GRIP2: variants seen among roughly 807,000 people sequenced by gnomAD.
GRIP2 encodes glutamate receptor-interacting protein 2.
A neutral mutation model predicts 108.3 loss-of-function variants in GRIP2; 58 were observed. The ratio of observed to expected loss-of-function variants is 0.54; its 90% CI spans 0.43 to 0.67. The LOEUF (loss-of-function observed/expected upper bound fraction) is 0.67, where lower values mean the gene tolerates loss of function less well. Ranked by LOEUF, GRIP2 falls within the 30% of genes least tolerant of loss-of-function variation. The pLI is 0.00. For synonymous variants in GRIP2, 586 were observed against 598.2 expected (o/e 0.98, Z 0.30); for missense variants, 1,278 against 1,430.6 (o/e 0.89, Z 1.72).
At chr3:14,540,426 G>A, upstream of GRIP2, 9 of 1,597,644 alleles carry the variant, frequency 5.6e-6, no homozygotes, top group Non-Finnish European at 7.7e-6. The surrounding 1 kb of genome is among the most constrained non-coding windows in gnomAD (Gnocchi z 4.1). Context: ...CACTGGCTGG[G>A]CACCGAGTCC....
chr3:14,520,683 T>C, intron 7 of GRIP2, 146 bp from the exon 8 acceptor site: 6 of 770,660 alleles, frequency 7.8e-6, no homozygotes, highest in Non-Finnish European at 1.2e-5. Context: ...TCCTTTTCTT[T>C]CTTTTTTTAT....
chr3:14,596,922 T>C, the GRIP2 span, among the ~76,000 whole-genome samples: 1 of 152,174 alleles, frequency 6.6e-6, no homozygotes, highest in African/African-American at 2.4e-5. Context: ...TTAAATTTTT[T>C]TGTAGAAACA....
At chr3:14,515,440 C>T (rs1425724926) in intron 11 of GRIP2, among the ~76,000 whole-genome samples, 1 of 152,040 alleles carries the variant, frequency 6.6e-6, no homozygotes, top group East Asian at 1.9e-4. Flanking sequence ...TATTGTTTTA[C>T]ATTCCATATA....
upstream of GRIP2, chr3:14,541,956 C>T (rs572902819): frequency 1.0e-5 from 14 of 1,349,914 alleles, no homozygotes; most frequent in East Asian, 4.7e-5. Flanking sequence ...ACAGAGGCCA[C>T]TCTGGAGCAG....
the GRIP2 span, chr3:14,574,730 C>G: frequency 0.018 from 8,956 of 510,596 alleles, 644 homozygotes; most frequent in African/African-American, 0.15. Flanking sequence ...CATCCCTAAT[C>G]GAGCAGCCTT....
In GRIP2 at chr3:14,556,032, C is replaced by A. The variant is rs570434696; in HGVS notation, c.-78G>T. The A allele has an allele frequency of 2.8e-5, 11 of 398,582 alleles. No homozygotes were observed. The Admixed American group carries it at 4.8e-4, about 18-fold the overall frequency. The allele number at this position is 398,582 out of a possible 1,614,324, so 24.7% of individuals were successfully genotyped here. On this transcript the variant is annotated 5_prime_UTR_variant, in exon 1 of 24. Transcript: ENST00000637182. The stretch of plus-strand genomic sequence containing the variant: ...CGCCTGGAGCCGGCGCTCCTGTGCC[C>A]GCTCCAGAGCTGCTTGCGCTAACTG...
chr3:14,573,236 C>T, the GRIP2 span: 1 of 1,405,366 alleles, frequency 7.1e-7, no homozygotes, highest in Non-Finnish European at 1.0e-6. Context: ...AGAGGCAGGC[C>T]AGGATGCCAA....
chr3:14,535,159 A>T (rs1694805539), intron 1 of GRIP2, among the ~76,000 whole-genome samples: 1 of 152,156 alleles, frequency 6.6e-6, no homozygotes, highest in Admixed American at 6.5e-5. Context: ...ATGGGCGCTA[A>T]GTACTCCACC....
rs1181473708 is a variant in GRIP2, at chr3:14,525,558, T to A, written c.136A>T (p.Ile46Phe). The A allele has an allele frequency of 6.2e-7, 1 of 1,613,808 alleles. No homozygotes were observed. Among genetic ancestry groups the A allele is most frequent in the South Asian group, 1.1e-5 (1 of 91,078 alleles). ...TTCTTGATCAGCTCCACCACAGTGA[T>A]CCCTCGGAACTCCTCTGCCAACAGA... ...RQSIPEEFRG[I>F]TVVELIKKEG... The change falls in exon 3 of 24, where the codon ATC becomes TTC. Residue 46 changes from isoleucine (I) to phenylalanine (F), a missense_variant. Ile to Phe is a conservative substitution (Grantham distance 21). Transcript: ENST00000621039.
At chr3:14,548,363 G>A (rs114764622) in intron 1 of GRIP2, among the ~76,000 whole-genome samples, 3,200 of 152,212 alleles carry the variant, frequency 0.021, 128 homozygotes, top group African/African-American at 0.073. Context: ...AGGCCCCTCC[G>A]GTGAAGACAC....
At chr3:14,499,698 A>T (rs150402407) in intron 21 of GRIP2, among the ~76,000 whole-genome samples, 1 of 152,130 alleles carries the variant, frequency 6.6e-6, no homozygotes, top group Non-Finnish European at 1.5e-5. Flanking sequence ...AGATCATGCC[A>T]CTGACTGCAC....
At chr3:14,523,402 G>A in intron 5 of GRIP2, 1 of 580,188 alleles carries the variant, frequency 1.7e-6, no homozygotes, top group South Asian at 2.2e-5. Flanking sequence ...TCATTTTCCG[G>A]TACAACTTTC....
intron 9 of GRIP2, 100 bp from the exon 10 acceptor site, chr3:14,517,997 C>T: frequency 7.3e-7 from 1 of 1,368,114 alleles, no homozygotes; most frequent in Non-Finnish European, 9.7e-7. Flanking sequence ...TCGTGCTTCC[C>T]CTGAGCCAGG....
chr3:14,495,937 G>A (rs1315402643), intron 22 of GRIP2, among the ~76,000 whole-genome samples: 1 of 152,104 alleles, frequency 6.6e-6, no homozygotes, highest in Non-Finnish European at 1.5e-5. Context: ...TTTGAACCCA[G>A]GAGTTTGAGA....
At position 14,495,107 on chromosome 3, in the gene GRIP2, C is replaced by T. The variant is rs1693551116; in HGVS notation, c.2824-118G>A. 4 of 1,320,868 alleles carry T rather than the reference C, an allele frequency of 3.0e-6. No homozygotes were observed. In the Admixed American group the frequency reaches 6.2e-5, roughly 21 times the overall value. The allele number at this position is 1,320,868 out of a possible 1,614,324, so 81.8% of individuals were successfully genotyped here. On this transcript the variant is annotated intron_variant, in intron 22 of 23. Transcript: ENST00000621039. ...CCTCTGGCCAGCCACACCCCCCAGG[C>T]TGCAGCACCCCAGCCTCTTGCCCCT...
intron 10 of GRIP2, among the ~76,000 whole-genome samples, 180 bp from the exon 11 acceptor site, chr3:14,517,393 AG>A (rs1439400231): frequency 6.7e-6 from 1 of 150,252 alleles, no homozygotes; most frequent in African/African-American, 2.5e-5. Context: ...CAAAGACTGC[AG>A]GGTTTCCATA....
At chr3:14,575,488 C>T in the GRIP2 span, among the ~76,000 whole-genome samples, 1 of 152,208 alleles carries the variant, frequency 6.6e-6, no homozygotes, top group Admixed American at 6.5e-5. Flanking sequence ...GAGGTGGGGG[C>T]CCAGCAAGCC....
rs889007791 is a variant in GRIP2 at position 14,505,467 on chromosome 3, C to G, written c.2573+148G>C. 3.5e-6 allele frequency: 3 copies of G among 857,958 alleles called. No individual in the cohort carries two copies. The African/African-American group carries it at 5.1e-5, about 15-fold the overall frequency. The allele number at this position is 857,958 out of a possible 1,614,324, so 53.1% of individuals were successfully genotyped here. A position where few individuals can be genotyped will look rare whatever the true frequency, so the allele number is the denominator to read the frequency against. ...CCGTCTCAGCCTGGCTGAGGTGGCT[C>G]TGCTCAGTGCTTCTCTCCCAGGAGG... On this transcript the variant is annotated intron_variant, in intron 20 of 23. Transcript: ENST00000621039. The surrounding 1 kb of genome is among the most constrained non-coding windows in gnomAD (Gnocchi z 4.2).
chr3:14,530,097 C>T (rs1398132743), intron 1 of GRIP2, among the ~76,000 whole-genome samples: 2 of 152,206 alleles, frequency 1.3e-5, no homozygotes, highest in Non-Finnish European at 2.9e-5. Flanking sequence ...GATCACAAAT[C>T]CTCAAAGGAG....
Sources: gnomAD v4.1 joint callset for allele counts (sites outside exome capture counted in the v4.1 genomes callset) on GRCh38, gnomAD v4.1.1 for gene constraint, Gnocchi (gnomAD v3.1) non-coding constraint, MANE v1.5 for transcripts, NCBI Gene and HGNC (gene_info 2026-07-23, HGNC 2026-07-21) for gene names.